TIMP3: variants seen among roughly 807,000 people sequenced by gnomAD.
The protein encoded by TIMP3 is metalloproteinase inhibitor 3.
Under a neutral mutation model 30.0 loss-of-function variants are expected in TIMP3, and 11 were observed. The ratio of observed to expected loss-of-function variants is 0.37; its 90% CI spans 0.23 to 0.61. The LOEUF (loss-of-function observed/expected upper bound fraction) is 0.61. TIMP3 is among the 20% of genes least tolerant of loss of function. TIMP3 has a pLI of 0.70. For missense variants in TIMP3, 181 were observed against 276.8 expected, an observed-to-expected ratio of 0.65 and a Z score of 2.45; for synonymous variants, 112 against 111.3, an observed-to-expected ratio of 1.01 and a Z score of -0.04.
intron 1 of TIMP3, among the ~76,000 whole-genome samples, chr22:32,827,944 C>A (rs921500688): frequency 1.7e-4 from 26 of 152,298 alleles, no homozygotes; most frequent in African/African-American, 5.1e-4. Flanking sequence ...CGTAGAGAGG[C>A]CTTCCTTGCC....
intron 2 of TIMP3, 50 bp downstream of exon 2, chr22:32,849,584 A>G (rs1177300904): frequency 3.2e-6 from 5 of 1,557,072 alleles, no homozygotes; most frequent in Non-Finnish European, 3.5e-6. Flanking sequence ...GGTTTTTGCC[A>G]GAAGAGTCCT....
intron 1 of TIMP3, among the ~76,000 whole-genome samples, chr22:32,809,808 G>C (rs907161435): frequency 6.6e-6 from 1 of 152,190 alleles, no homozygotes; most frequent in East Asian, 1.9e-4. Flanking sequence ...TTGGCTTACT[G>C]ATATGCCTAA....
intron 1 of TIMP3, among the ~76,000 whole-genome samples, chr22:32,814,362 A>AAAGAAAGG (rs2047033549): frequency 1.1e-5 from 1 of 88,966 alleles, no homozygotes; most frequent in African/African-American, 4.2e-5. Context: ...AGAAAGAAAG[A>AAAGAAAGG]AAGAAAGAAA....
intron 1 of TIMP3, among the ~76,000 whole-genome samples, chr22:32,808,067 T>A (rs1201468775): frequency 6.6e-6 from 1 of 152,238 alleles, no homozygotes; most frequent in East Asian, 1.9e-4. Flanking sequence ...AGAGGAAGGC[T>A]GCAATGCCAG....
intron 1 of TIMP3, among the ~76,000 whole-genome samples, chr22:32,829,167 C>T (rs1416154038): frequency 6.6e-6 from 1 of 152,104 alleles, no homozygotes; most frequent in African/African-American, 2.4e-5. Flanking sequence ...TTAGCAGCTC[C>T]CCCATCCCAT....
chr22:32,810,504 CA>C (rs1208239229), intron 1 of TIMP3, among the ~76,000 whole-genome samples: 2 of 145,770 alleles, frequency 1.4e-5, no homozygotes, highest in Admixed American at 1.4e-4. Context: ...AGTGGAAAAA[CA>C]GAGCCCTAGA....
chr22:32,854,967 C>T lies in TIMP3; in HGVS notation c.205-2282C>T, dbSNP rs760440671. Among the ~76,000 whole-genome samples the T allele has an allele frequency of 2.0e-5, 3 of 152,310 alleles. 1 individual carries two copies. Among genetic ancestry groups the T allele is most frequent in the South Asian group, 4.1e-4 (2 of 4,826 alleles). ...AGTCACCACTTAAAAGATGAGAAAA[C>T]GCCAGCTCACAGGCCAAATGGGAGG... On this transcript the variant is annotated intron_variant, in intron 2 of 4. Coordinates refer to ENST00000266085, the MANE Select transcript of TIMP3 (RefSeq NM_000362.5).
chr22:32,815,751 G>A (rs2047072844), intron 1 of TIMP3, among the ~76,000 whole-genome samples: 1 of 152,126 alleles, frequency 6.6e-6, no homozygotes, highest in Admixed American at 6.5e-5. Context: ...GAGAGACTAG[G>A]TAACTTACCT....
At chr22:32,840,888 C>G (rs1181981983) in intron 1 of TIMP3, among the ~76,000 whole-genome samples, 1 of 152,210 alleles carries the variant, frequency 6.6e-6, no homozygotes, top group Non-Finnish European at 1.5e-5. Context: ...ACCTCTGGCC[C>G]TTGAGTTCCT....
At chr22:32,850,905 C>T (rs929927156) in intron 2 of TIMP3, among the ~76,000 whole-genome samples, 1 of 152,164 alleles carries the variant, frequency 6.6e-6, no homozygotes, top group Non-Finnish European at 1.5e-5. Context: ...CCAAGGCCAA[C>T]CTCCAGGCTT....
intron 1 of TIMP3, among the ~76,000 whole-genome samples, chr22:32,847,887 G>A (rs1015494668): frequency 2.0e-5 from 3 of 152,376 alleles, no homozygotes; most frequent in Non-Finnish European, 2.9e-5. Context: ...TGAGGTCTTA[G>A]CATGGAAGTA....
Position 32,801,800 on chromosome 22 carries a change from G to A in TIMP3, c.-202G>A. On this transcript the variant is annotated 5_prime_UTR_variant, in exon 1 of 5. Coordinates refer to ENST00000266085, the MANE Select transcript of TIMP3 (RefSeq NM_000362.5). The surrounding 1 kb of genome is among the most constrained non-coding windows in gnomAD (Gnocchi z 4.7). ...CTCCTTCGCCGGGAGGCCGCCCGCC[G>A]AGTCCTGCGCCAGCGCCGAGGCAGC... 4.4e-6 allele frequency: 2 copies of A among 458,044 alleles called. No homozygotes were observed. The highest frequency in any genetic ancestry group is 3.2e-6 in the Non-Finnish European group (1 of 314,230). The allele number at this position is 458,044 out of a possible 1,614,324, so 28.4% of individuals were successfully genotyped here. A position where few individuals can be genotyped will look rare whatever the true frequency, so the allele number is the denominator to read the frequency against.
intron 1 of TIMP3, among the ~76,000 whole-genome samples, chr22:32,826,257 C>G (rs952005672): frequency 2.6e-5 from 4 of 151,984 alleles, no homozygotes; most frequent in African/African-American, 9.7e-5. Flanking sequence ...GGTGAAACTC[C>G]ATCTCTACTA....
At chr22:32,844,217 C>CAG (rs143934772) in intron 1 of TIMP3, among the ~76,000 whole-genome samples, 1 of 151,708 alleles carries the variant, frequency 6.6e-6, no homozygotes, top group African/African-American at 2.4e-5. Context: ...GGGATAGAAG[C>CAG]AGAGAGAGAG....
intron 2 of TIMP3, among the ~76,000 whole-genome samples, chr22:32,855,967 C>T (rs550703974): frequency 3.3e-5 from 5 of 152,140 alleles, no homozygotes; most frequent in African/African-American, 4.8e-5. Context: ...CTGGGATAAA[C>T]GAACCCAATG....
intron 1 of TIMP3, among the ~76,000 whole-genome samples, chr22:32,807,638 C>T (rs1351806965): frequency 1.3e-5 from 2 of 150,136 alleles, no homozygotes; most frequent in Middle Eastern, 3.3e-3. Flanking sequence ...TGAGGTAACT[C>T]GTTTAAGGTT....
At position 32,860,919 on chromosome 22, in the gene TIMP3, T is replaced by G. The variant is rs1321098060; in HGVS notation, c.*1542T>G. 1 of 151,356 alleles carries G rather than the reference T, an allele frequency of 6.6e-6. No homozygotes were observed. The highest frequency in any genetic ancestry group is 1.5e-5 in the Non-Finnish European group (1 of 67,864). The allele number at this position is 151,356 out of a possible 1,614,324, so 9.4% of individuals were successfully genotyped here. A position where few individuals can be genotyped will look rare whatever the true frequency, so the allele number is the denominator to read the frequency against. On this transcript the variant is annotated 3_prime_UTR_variant, in exon 5 of 5. Transcript: ENST00000266085. The stretch of plus-strand genomic sequence containing the variant: ...GTTGTAGGGTTTCTGTTGTGTTTTT[T>G]TTTTTTTTTTTGAAATAAAACTATA...
At chr22:32,832,890 G>A (rs1387472619) in intron 1 of TIMP3, among the ~76,000 whole-genome samples, 3 of 151,884 alleles carry the variant, frequency 2.0e-5, no homozygotes, top group African/African-American at 7.3e-5. Context: ...ACCATTCCCA[G>A]CTAATTTTTT....
intron 1 of TIMP3, among the ~76,000 whole-genome samples, chr22:32,823,865 A>C (rs1404667787): frequency 6.6e-6 from 1 of 152,156 alleles, no homozygotes. Flanking sequence ...ACATCCCCAC[A>C]GTGCCCTGCC....
Sources: allele counts gnomAD v4.1 joint callset (sites outside exome capture counted in the v4.1 genomes callset), GRCh38; gene constraint gnomAD v4.1.1; non-coding constraint Gnocchi (gnomAD v3.1); transcripts MANE v1.5; gene names NCBI Gene and HGNC (gene_info 2026-07-23, HGNC 2026-07-21).